The following MBNL1 variants were observed in gnomAD, a reference collection of about 807,000 sequenced individuals.
MBNL1 encodes the protein muscleblind like splicing regulator 1.
A neutral mutation model predicts 42.2 loss-of-function variants in MBNL1; 8 were observed. The ratio of observed to expected loss-of-function variants is 0.19; its 90% CI spans 0.11 to 0.34. MBNL1 has a LOEUF of 0.34. Ranked by LOEUF, MBNL1 falls within the 10% of genes least tolerant of loss-of-function variation. MBNL1 has a pLI of 1.00. For synonymous variants in MBNL1, 169 were observed against 173.9 expected (o/e 0.97, Z 0.22); for missense variants, 309 against 495.3 (o/e 0.62, Z 3.57).
chr3:152,338,453 T>C, intron 2 of MBNL1: 1 of 985,408 alleles, frequency 1.0e-6, no homozygotes, highest in Non-Finnish European at 1.2e-6. Flanking sequence ...TGTTGCCCTC[T>C]ACACTTGCTT....
At chr3:152,350,551 G>A (rs1480626112) in intron 2 of MBNL1, among the ~76,000 whole-genome samples, 1 of 152,124 alleles carries the variant, frequency 6.6e-6, no homozygotes, top group Non-Finnish European at 1.5e-5. Flanking sequence ...TTTCACTAAG[G>A]GAAGGGGCAG....
At chr3:152,248,643 T>A (rs1044528221) in intron 2 of MBNL1, among the ~76,000 whole-genome samples, 6 of 152,012 alleles carry the variant, frequency 3.9e-5, no homozygotes, top group African/African-American at 1.4e-4. Flanking sequence ...ATACTTCAAG[T>A]TTTAGGGTAC....
At chr3:152,411,327 C>T (rs572083728) in intron 2 of MBNL1, among the ~76,000 whole-genome samples, 1 of 152,260 alleles carries the variant, frequency 6.6e-6, no homozygotes, top group Non-Finnish European at 1.5e-5. Context: ...CGAGACCATC[C>T]TGGCTAACAT....
intron 2 of MBNL1, among the ~76,000 whole-genome samples, chr3:152,341,787 C>A (rs1045050278): frequency 2.6e-5 from 4 of 152,140 alleles, no homozygotes; most frequent in African/African-American, 4.8e-5. Context: ...GTGTACAGAG[C>A]AGCTAAAAGA....
At chr3:152,389,939 G>C (rs2097623444) in intron 2 of MBNL1, among the ~76,000 whole-genome samples, 1 of 151,718 alleles carries the variant, frequency 6.6e-6, no homozygotes, top group Non-Finnish European at 1.5e-5. Flanking sequence ...GCAGTAGCAC[G>C]ATCTCAGCTC....
intron 6 of MBNL1, among the ~76,000 whole-genome samples, chr3:152,455,233 T>C (rs1731226951): frequency 6.6e-6 from 1 of 152,186 alleles, no homozygotes; most frequent in African/African-American, 2.4e-5. Flanking sequence ...CAAATTACAA[T>C]ATTATTTTTA....
intron 5 of MBNL1, 79 bp downstream of exon 5, chr3:152,445,618 CA>C: frequency 7.0e-7 from 1 of 1,433,008 alleles, no homozygotes; most frequent in Non-Finnish European, 9.4e-7. Context: ...ACAAGCTATT[CA>C]TTTAGTAACC....
At chr3:152,275,707 C>CAAAA (rs60796721) in intron 1 of MBNL1, among the ~76,000 whole-genome samples, 1 of 29,660 alleles carries the variant, frequency 3.4e-5, no homozygotes, top group African/African-American at 1.8e-4. Flanking sequence ...ACTCTTGTCT[C>CAAAA]AAAAAAAAAA....
intron 3 of MBNL1, among the ~76,000 whole-genome samples, chr3:152,431,928 C>T (rs772278757): frequency 2.4e-4 from 37 of 152,110 alleles, no homozygotes; most frequent in Non-Finnish European, 4.3e-4. Flanking sequence ...CTTATATATC[C>T]ACGAAAGCAT....
At chr3:152,294,882 AAGAG>A (rs2057891060) in intron 1 of MBNL1, among the ~76,000 whole-genome samples, 1 of 152,224 alleles carries the variant, frequency 6.6e-6, no homozygotes, top group Admixed American at 6.5e-5. Context: ...AATTTACCAA[AAGAG>A]ATTTCTATTT....
upstream of MBNL1, chr3:152,263,187 G>A (rs2036590638): frequency 6.6e-6 from 1 of 152,096 alleles, no homozygotes; most frequent in South Asian, 2.1e-4. Flanking sequence ...TTATAAGATT[G>A]TCTTAAAAGA....
At chr3:152,363,345 CAG>C (rs2096125829) in intron 2 of MBNL1, among the ~76,000 whole-genome samples, 1 of 151,966 alleles carries the variant, frequency 6.6e-6, no homozygotes, top group African/African-American at 2.4e-5. Context: ...GTTGTTAACT[CAG>C]TGTTAAATCA....
intron 2 of MBNL1, among the ~76,000 whole-genome samples, chr3:152,400,268 C>T (rs1363613250): frequency 6.6e-6 from 1 of 152,098 alleles, no homozygotes; most frequent in Non-Finnish European, 1.5e-5. Flanking sequence ...CATCTTCTCT[C>T]CTTACTTGAA....
intron 1 of MBNL1, among the ~76,000 whole-genome samples, chr3:152,294,565 T>A (rs2057727808): frequency 2.0e-5 from 3 of 152,194 alleles, no homozygotes; most frequent in Admixed American, 2.0e-4. Context: ...ATTACAGGCG[T>A]GAGCCACCGT....
At chr3:152,277,796 T>G (rs1559979526) in intron 1 of MBNL1, among the ~76,000 whole-genome samples, 1 of 152,064 alleles carries the variant, frequency 6.6e-6, no homozygotes, top group East Asian at 1.9e-4. Flanking sequence ...TCCCATGAAA[T>G]AAAGACAGTT....
At chr3:152,388,186 C>G (rs994214975) in intron 2 of MBNL1, among the ~76,000 whole-genome samples, 13 of 152,100 alleles carry the variant, frequency 8.5e-5, no homozygotes, top group African/African-American at 3.1e-4. Context: ...AAATTTTCAT[C>G]AGGTGCTCTG....
chr3:152,453,552 A>G (rs1421722889), intron 6 of MBNL1, among the ~76,000 whole-genome samples: 3 of 152,236 alleles, frequency 2.0e-5, no homozygotes, highest in African/African-American at 4.8e-5. Flanking sequence ...GTAGTAAATC[A>G]ACCCATGTAA....
chr3:152,437,676 CA>C (rs1323945849), intron 4 of MBNL1, among the ~76,000 whole-genome samples: 2 of 152,042 alleles, frequency 1.3e-5, no homozygotes, highest in Non-Finnish European at 2.9e-5. Context: ...CACATATACA[CA>C]CAACATGAGA....
intron 2 of MBNL1, among the ~76,000 whole-genome samples, chr3:152,310,299 T>A (rs911545517): frequency 6.6e-6 from 1 of 152,218 alleles, no homozygotes; most frequent in African/African-American, 2.4e-5. Context: ...ATTCCCCTGA[T>A]TTGATCCTCA....
Sources: allele counts gnomAD v4.1 joint callset (sites outside exome capture counted in the v4.1 genomes callset), GRCh38; gene constraint gnomAD v4.1.1; transcripts MANE v1.5; gene names NCBI Gene and HGNC (gene_info 2026-07-23, HGNC 2026-07-21).